The following ZNF69 variants were observed in gnomAD, a reference collection of about 807,000 sequenced individuals.
ZNF69 encodes the protein zinc finger protein 69, also known as ZNF3.
A neutral mutation model predicts 50.9 loss-of-function variants in ZNF69; 47 were observed. That is an observed-to-expected ratio of 0.92 (90% CI 0.73 to 1.18). The LOEUF (loss-of-function observed/expected upper bound fraction) is 1.18. Ranked by LOEUF, ZNF69 falls within the 50% of genes most tolerant of loss-of-function variation. The pLI is 0.00. For missense variants in ZNF69, 717 were observed against 675.1 expected (o/e 1.06, Z -0.69); for synonymous variants, 216 against 223.1 (o/e 0.97, Z 0.29).
the ZNF69 span, chr19:11,965,096 C>G: frequency 1.4e-6 from 2 of 1,439,760 alleles, no homozygotes; most frequent in South Asian, 1.2e-5. Flanking sequence ...TATCCATCCC[C>G]GAGAGGGACC....
At chr19:11,926,656 T>A in the ZNF69 span, 1 of 154,452 alleles carries the variant, frequency 6.5e-6, no homozygotes, top group East Asian at 1.9e-4. Flanking sequence ...CCCAAAGTGC[T>A]GGGATTACAG....
In ZNF69 at chr19:11,906,323, G is replaced by C; in HGVS notation, c.*225G>C. The C allele has an allele frequency of 8.0e-7, 1 of 1,256,780 alleles. No homozygotes were observed. The highest frequency in any genetic ancestry group is 1.0e-6 in the Non-Finnish European group (1 of 972,360). 77.9% of individuals were successfully genotyped at this position (1,256,780 alleles called of 1,614,324 possible). A position where few individuals can be genotyped will look rare whatever the true frequency, so the allele number is the denominator to read the frequency against. ...TCCCTGTCTGACAGCTTTGAAGAGA[G>C]TAGCAGTCCTCCCAGCATGGAGTTT... is the stretch of plus-strand genomic sequence containing the variant. On this transcript the variant is annotated 3_prime_UTR_variant, in exon 4 of 4. Coordinates refer to ENST00000429654, the MANE Select transcript of ZNF69 (RefSeq NM_001364730.1).
chr19:11,910,993 C>T (rs1972449842), downstream of ZNF69, among the ~76,000 whole-genome samples: 1 of 152,018 alleles, frequency 6.6e-6, no homozygotes, highest in Non-Finnish European at 1.5e-5. Context: ...TCAAACAACC[C>T]CGTCAAAAAG....
At chr19:11,908,317 A>C (rs1256633464), downstream of ZNF69, among the ~76,000 whole-genome samples, 1 of 152,148 alleles carries the variant, frequency 6.6e-6, no homozygotes, top group Non-Finnish European at 1.5e-5. Flanking sequence ...CTGCACCAAG[A>C]GGACCTAATA....
the ZNF69 span, chr19:11,950,490 G>A: frequency 2.6e-3 from 1,665 of 631,922 alleles, 28 homozygotes; most frequent in African/African-American, 0.028. Context: ...TTCTAGTTCC[G>A]TTTGATATCA....
At chr19:11,978,928 C>T in the ZNF69 span, 29,310 of 1,614,038 alleles carry the variant, frequency 0.018, 317 homozygotes, top group African/African-American at 0.027. Context: ...AGGAGTCACA[C>T]GGGAGAGAAG....
chr19:11,949,630 T>A, the ZNF69 span: 6 of 1,613,830 alleles, frequency 3.7e-6, no homozygotes, highest in East Asian at 1.3e-4. Flanking sequence ...AGAGAAACCC[T>A]ATGAATGCAA....
the ZNF69 span, chr19:11,965,197 G>A: frequency 1.1e-5 from 17 of 1,614,098 alleles, no homozygotes; most frequent in Non-Finnish European, 1.4e-5. Flanking sequence ...CAGGACATCT[G>A]AAAGCCAGGA....
At chr19:11,924,199 G>A in the ZNF69 span, among the ~76,000 whole-genome samples, 34 of 152,140 alleles carry the variant, frequency 2.2e-4, no homozygotes, top group Non-Finnish European at 7.4e-5. Context: ...TTGCGGGGCC[G>A]AGGCGGGCGG....
At chr19:11,928,440 A>G in the ZNF69 span, among the ~76,000 whole-genome samples, 2 of 151,920 alleles carry the variant, frequency 1.3e-5, no homozygotes, top group Non-Finnish European at 2.9e-5. Context: ...TGTGTGAGAA[A>G]GTAGTCTCTG....
chr19:11,948,386 C>T, the ZNF69 span: 5 of 1,613,834 alleles, frequency 3.1e-6, no homozygotes, highest in African/African-American at 2.7e-5. Flanking sequence ...AAAGCTTCTC[C>T]TGAAGTAAAA....
downstream of ZNF69, among the ~76,000 whole-genome samples, chr19:11,916,890 A>G (rs1210777180): frequency 1.3e-5 from 2 of 152,034 alleles, no homozygotes; most frequent in Admixed American, 1.3e-4. Flanking sequence ...CATTTTCAGG[A>G]TTGCCCACCC....
chr19:11,938,956 T>G, the ZNF69 span, among the ~76,000 whole-genome samples: 1 of 152,222 alleles, frequency 6.6e-6, no homozygotes, highest in Admixed American at 6.5e-5. Context: ...TGGTTTTGAT[T>G]TGCATTTCTC....
the ZNF69 span, chr19:11,925,139 G>A: frequency 6.3e-7 from 1 of 1,582,038 alleles, no homozygotes; most frequent in Admixed American, 1.8e-5. Context: ...GCGGCGGTTG[G>A]TAACCGGTCA....
intron 1 of ZNF69, among the ~76,000 whole-genome samples, chr19:11,899,283 A>T (rs1004997787): frequency 4.6e-5 from 7 of 152,266 alleles, no homozygotes; most frequent in African/African-American, 1.7e-4. Flanking sequence ...GTTGCTTGAC[A>T]ACTCACTTAT....
chr19:11,976,787 A>AC, the ZNF69 span: 30 of 1,057,196 alleles, frequency 2.8e-5, no homozygotes, highest in African/African-American at 4.4e-4. Context: ...AATCGCTTGA[A>AC]CCCCGGTCAT....
chr19:11,946,130 A>G, the ZNF69 span, among the ~76,000 whole-genome samples: 1 of 152,270 alleles, frequency 6.6e-6, no homozygotes, highest in East Asian at 1.9e-4. Flanking sequence ...AGATTAAACA[A>G]GGCCCTTTCA....
chr19:11,967,936 C>G, the ZNF69 span, among the ~76,000 whole-genome samples: 1 of 152,178 alleles, frequency 6.6e-6, no homozygotes, highest in African/African-American at 2.4e-5. Context: ...TTTTAGCACA[C>G]AAGTGCATTA....
the ZNF69 span, chr19:11,924,994 A>C: frequency 2.0e-6 from 1 of 492,832 alleles, no homozygotes; most frequent in Non-Finnish European, 3.6e-6. Context: ...CCTGATACCC[A>C]GGGCTTCAGC....
Sources: allele counts gnomAD v4.1 joint callset (sites outside exome capture counted in the v4.1 genomes callset), GRCh38; gene constraint gnomAD v4.1.1; transcripts MANE v1.5; gene names NCBI Gene and HGNC (gene_info 2026-07-23, HGNC 2026-07-21).